The following DMXL1 variants were observed in gnomAD, a reference collection of about 807,000 sequenced individuals.
The protein encoded by DMXL1 is Dmx like 1.
Under a neutral mutation model 319.2 loss-of-function variants are expected in DMXL1, and 99 were observed. The ratio of observed to expected loss-of-function variants is 0.31; its 90% confidence interval spans 0.26 to 0.37. The LOEUF is 0.37. Among genes scored for constraint, DMXL1 ranks in the 10% least tolerant of loss-of-function variants. The pLI is 1.00. For synonymous variants in DMXL1, 1,385 were observed against 1,235.2 expected, an observed-to-expected ratio of 1.12 and a Z score of -2.54; for missense variants, 3,745 against 3,595.6, an observed-to-expected ratio of 1.04 and a Z score of -1.06.
intron 8 of DMXL1, among the ~76,000 whole-genome samples, chr5:119,119,660 TC>T (rs1384681469): frequency 2.6e-5 from 4 of 151,118 alleles, no homozygotes; most frequent in African/African-American, 9.7e-5. Context: ...CAGGTGTGCA[TC>T]ACCACGCCCA....
At chr5:119,076,696 T>C (rs1750959125) in intron 1 of DMXL1, among the ~76,000 whole-genome samples, 1 of 152,194 alleles carries the variant, frequency 6.6e-6, no homozygotes, top group African/African-American at 2.4e-5. Flanking sequence ...AAATAGGACA[T>C]ATACCAGAAA....
At chr5:119,217,794 A>G (rs1783946729) in intron 35 of DMXL1, among the ~76,000 whole-genome samples, 1 of 152,124 alleles carries the variant, frequency 6.6e-6, no homozygotes, top group Admixed American at 6.6e-5. Context: ...ATATACGGGG[A>G]AATTACCCAT....
At chr5:119,135,456 T>C (rs539721426) in intron 13 of DMXL1, among the ~76,000 whole-genome samples, 4 of 152,180 alleles carry the variant, frequency 2.6e-5, no homozygotes, top group Admixed American at 6.5e-5. Flanking sequence ...AGATATTTAT[T>C]AAAGAGAATG....
At chr5:119,079,698 C>A (rs929123386) in intron 1 of DMXL1, among the ~76,000 whole-genome samples, 2 of 151,274 alleles carry the variant, frequency 1.3e-5, no homozygotes, top group Admixed American at 1.3e-4. Context: ...TGATCATTTT[C>A]TCCTTAGTCA....
intron 35 of DMXL1, 61 bp downstream of exon 35, chr5:119,217,048 G>A: frequency 1.0e-6 from 1 of 962,410 alleles, no homozygotes; most frequent in Non-Finnish European, 1.5e-6. Context: ...AATATCTTCT[G>A]TTTTATCAGT....
At chr5:119,234,615 G>C (rs1211211034) in intron 39 of DMXL1, among the ~76,000 whole-genome samples, 1 of 152,104 alleles carries the variant, frequency 6.6e-6, no homozygotes, top group East Asian at 1.9e-4. Context: ...TCCTTAGTGG[G>C]AAATTAAGGG....
chr5:119,103,306 T>C (rs1469596015), intron 3 of DMXL1, among the ~76,000 whole-genome samples: 1 of 152,240 alleles, frequency 6.6e-6, no homozygotes, highest in African/African-American at 2.4e-5. Flanking sequence ...AGGACTAAAC[T>C]GTTTTAATAG....
At position 119,178,076 on chromosome 5, in the gene DMXL1, CTCACAGCAGTGTATCTTAGTCTCT is replaced by C; in HGVS notation, c.6971_6994del (p.Thr2324_Phe2331del). The C allele has an allele frequency of 6.2e-7, 1 of 1,613,960 alleles. No homozygotes were observed. The highest frequency in any genetic ancestry group is 8.5e-7 in the Non-Finnish European group (1 of 1,179,852). On this transcript the variant is annotated inframe_deletion, in exon 28 of 44. Coordinates refer to ENST00000539542, the MANE Select transcript of DMXL1 (RefSeq NM_001290321.3). ...GCTTACAGTCTTGCTCTGTGAGATT[CTCACAGCAGTGTATCTTAGTCTCT>C]TCATCCATGGCCTGGCCACACATTC...
intron 32 of DMXL1, 93 bp from the exon 33 acceptor site, chr5:119,203,226 A>G: frequency 1.3e-6 from 1 of 787,608 alleles, no homozygotes; most frequent in Non-Finnish European, 2.0e-6. Context: ...ATTGCAGTTA[A>G]TTTATTATAA....
chr5:119,121,435 G>A (rs942580546), intron 9 of DMXL1, among the ~76,000 whole-genome samples: 14 of 152,046 alleles, frequency 9.2e-5, no homozygotes, highest in East Asian at 1.9e-4. Context: ...GCGGCCTTCC[G>A]CTGTGTTTGT....
At chr5:119,129,509 T>C in intron 10 of DMXL1, 86 bp downstream of exon 10, 1 of 891,650 alleles carries the variant, frequency 1.1e-6, no homozygotes, top group Non-Finnish European at 1.7e-6. Flanking sequence ...CTACTTGTAA[T>C]AAACTTTAAA....
chr5:119,150,075 T>C lies in DMXL1; in HGVS notation c.4248T>C (p.Asp1416=). Residue 1416 remains aspartate (D), a synonymous_variant, in exon 18 of 44, where the codon GAT becomes GAC. Coordinates refer to ENST00000539542, the MANE Select transcript of DMXL1 (RefSeq NM_001290321.3). ...LPLYALLAAD[D]DSCYSSLEKS... is the part of the protein sequence containing the mutation. ...TATATGCCTTACTTGCAGCAGATGA[T>C]GATAGCTGTTACTCATCTTTGGAGA... The C allele has an allele frequency of 1.9e-6, 3 of 1,613,892 alleles. No individual in the cohort carries two copies. The highest frequency in any genetic ancestry group is 2.5e-6 in the Non-Finnish European group (3 of 1,179,890).
At chr5:119,142,609 G>A (rs535598787) in intron 13 of DMXL1, among the ~76,000 whole-genome samples, 2 of 151,318 alleles carry the variant, frequency 1.3e-5, no homozygotes, top group Admixed American at 6.6e-5. Context: ...TAATTCAACC[G>A]TTGTGGAAAG....
chr5:119,164,764 C>T, intron 20 of DMXL1, 88 bp downstream of exon 20: 2 of 1,218,816 alleles, frequency 1.6e-6, no homozygotes, highest in Non-Finnish European at 1.1e-6. Flanking sequence ...GCCATTACTC[C>T]CTCTTGTTTT....
chr5:119,214,357 C>T (rs1783312533), intron 34 of DMXL1, among the ~76,000 whole-genome samples: 1 of 152,218 alleles, frequency 6.6e-6, no homozygotes, highest in Non-Finnish European at 1.5e-5. Context: ...CCACTATGAT[C>T]TCTCACTTCA....
In DMXL1 at chr5:119,149,618, G is replaced by C. The variant is rs755029101; in HGVS notation, c.3791G>C (p.Ser1264Thr). ...SYSGSTPSIT[S>T]LIKQSNSSSG... ...AGTGGGAGCACTCCATCTATAACAAGTTTAATAAAACAGAGTAACTCCAGT... is the reference window on the plus strand; with the variant it reads ...AGTGGGAGCACTCCATCTATAACAACTTTAATAAAACAGAGTAACTCCAGT... The change falls in exon 18 of 44, where the codon AGT (serine) becomes ACT (threonine). Residue 1264 changes from serine to threonine, a missense_variant. Transcript: ENST00000539542. 6 of 1,613,786 alleles carry C rather than the reference G, an allele frequency of 3.7e-6. No individual in the cohort carries two copies. The Admixed American group carries it at 5.0e-5, about 13-fold the overall frequency.
chr5:119,167,139 T>C (rs1773592973), intron 22 of DMXL1, among the ~76,000 whole-genome samples: 1 of 152,152 alleles, frequency 6.6e-6, no homozygotes, highest in South Asian at 2.1e-4. Flanking sequence ...TAACTGATTA[T>C]TTCTTAGTAA....
At position 119,198,861 on chromosome 5, in the gene DMXL1, G is replaced by T. The variant is rs1160110828; in HGVS notation, c.7745+905G>T. Among the ~76,000 whole-genome samples, 2 of 152,138 alleles carry T rather than the reference G, an allele frequency of 1.3e-5. 1 individual carries two copies. Among genetic ancestry groups the T allele is most frequent in the Non-Finnish European group, 2.9e-5 (2 of 68,024 alleles). ...GTTCTACAAATTATTTCATCACTCA[G>T]GTAGTACTAAGCCTGGTACCCAGTA... On this transcript the variant is annotated intron_variant, in intron 32 of 43. Transcript: ENST00000539542.
At chr5:119,091,521 G>C (rs1310875167) in intron 1 of DMXL1, among the ~76,000 whole-genome samples, 1 of 152,132 alleles carries the variant, frequency 6.6e-6, no homozygotes, top group African/African-American at 2.4e-5. Flanking sequence ...GCTGTTTCTT[G>C]TGGATGCACA....
Sources: gnomAD v4.1 joint callset for allele counts (sites outside exome capture counted in the v4.1 genomes callset) on GRCh38, gnomAD v4.1.1 for gene constraint, MANE v1.5 for transcripts, NCBI Gene and HGNC (gene_info 2026-07-23, HGNC 2026-07-21) for gene names.